Variants in CPNE4 observed in about 807,000 individuals in gnomAD.
The protein encoded by CPNE4 is copine-4.
Under a neutral mutation model 67.9 loss-of-function variants are expected in CPNE4, and 25 were observed. The ratio of observed to expected loss-of-function variants is 0.37; its 90% CI spans 0.27 to 0.51. The LOEUF is 0.51. CPNE4 is among the 20% of genes least tolerant of loss of function. The pLI is 0.93. For missense variants in CPNE4, 464 were observed against 690.8 expected, an observed-to-expected ratio of 0.67 and a Z score of 3.68; for synonymous variants, 242 against 244.9, an observed-to-expected ratio of 0.99 and a Z score of 0.11.
chr3:131,716,172 C>A (rs2081680169), intron 3 of CPNE4, among the ~76,000 whole-genome samples: 1 of 152,102 alleles, frequency 6.6e-6, no homozygotes, highest in Non-Finnish European at 1.5e-5. Context: ...GGCCAGGAGT[C>A]CTGCTGTTTC....
At position 131,742,792 on chromosome 3, in the gene CPNE4, T is replaced by C. The variant is rs190483211; in HGVS notation, c.181-19167A>G. ...CCTTGTATTAAAGGAAAAATAAAAA[T>C]AGATATTTCAAACACCTTAGAAAGC... On this transcript the variant is annotated intron_variant, in intron 2 of 15. Coordinates refer to ENST00000429747, the MANE Select transcript of CPNE4 (RefSeq NM_130808.3). Among the ~76,000 whole-genome samples the C allele has an allele frequency of 1.9e-4, 29 of 152,160 alleles. No individual in the cohort carries two copies. The East Asian group carries it at 4.8e-3, about 25-fold the overall frequency.
intron 3 of CPNE4, among the ~76,000 whole-genome samples, chr3:131,715,403 A>G (rs1405740044): frequency 1.3e-5 from 2 of 152,256 alleles, no homozygotes; most frequent in African/African-American, 4.8e-5. Flanking sequence ...CTTTGCATTC[A>G]TAGATGCTAC....
At chr3:131,742,290 GGACAC>G (rs2082376422) in intron 2 of CPNE4, among the ~76,000 whole-genome samples, 1 of 152,068 alleles carries the variant, frequency 6.6e-6, no homozygotes, top group Non-Finnish European at 1.5e-5. Context: ...CTTCAATCTG[GGACAC>G]CGGTCTTCTC....
chr3:131,858,528 T>C (rs2086544803), intron 2 of CPNE4, among the ~76,000 whole-genome samples: 1 of 152,152 alleles, frequency 6.6e-6, no homozygotes, highest in Non-Finnish European at 1.5e-5. Context: ...TCATCCATAG[T>C]GGCCCTTTTA....
At chr3:131,900,166 C>T (rs1463842237) in intron 2 of CPNE4, among the ~76,000 whole-genome samples, 1 of 151,786 alleles carries the variant, frequency 6.6e-6, no homozygotes, top group African/African-American at 2.4e-5. Context: ...ATAATCTCAT[C>T]AAAAAATAGG....
At chr3:131,565,048 C>T (rs6774683) in intron 10 of CPNE4, among the ~76,000 whole-genome samples, 14,701 of 151,948 alleles carry the variant, frequency 0.097, 1,472 homozygotes, top group African/African-American at 0.26. Context: ...TTCTTCTGAC[C>T]CCCAGTATCA....
At chr3:131,656,144 C>T (rs2079957382) in intron 7 of CPNE4, among the ~76,000 whole-genome samples, 1 of 150,260 alleles carries the variant, frequency 6.7e-6, no homozygotes. Context: ...CCAGACTCTT[C>T]CCTTCCCTTC....
intron 2 of CPNE4, among the ~76,000 whole-genome samples, chr3:131,808,569 T>C (rs1457935481): frequency 2.6e-5 from 4 of 152,140 alleles, no homozygotes; most frequent in Admixed American, 2.0e-4. Context: ...GTCATCAAAA[T>C]GTAGCAACAA....
chr3:131,823,190 G>A (rs1002278875), intron 2 of CPNE4, among the ~76,000 whole-genome samples: 4 of 152,194 alleles, frequency 2.6e-5, no homozygotes, highest in Admixed American at 2.6e-4. Flanking sequence ...AAAGAGGAAG[G>A]AAACTAATAT....
At chr3:131,564,151 C>G in intron 11 of CPNE4, 65 bp downstream of exon 11, 1 of 1,594,586 alleles carries the variant, frequency 6.3e-7, no homozygotes, top group Admixed American at 1.7e-5. Flanking sequence ...TGCCCAGGAT[C>G]AGCCAAAGAC....
intron 1 of CPNE4, among the ~76,000 whole-genome samples, chr3:131,957,963 C>T (rs74433627): frequency 0.012 from 1,776 of 152,238 alleles, 15 homozygotes; most frequent in Non-Finnish European, 0.019. Flanking sequence ...AAGCTAGAGA[C>T]AGTAATTGTG....
At chr3:131,750,022 C>T (rs1017233574) in intron 2 of CPNE4, among the ~76,000 whole-genome samples, 11 of 152,146 alleles carry the variant, frequency 7.2e-5, no homozygotes, top group Non-Finnish European at 1.6e-4. Context: ...AGCAACTATA[C>T]TAGCTTAGGT....
chr3:131,817,965 C>T (rs1430981452), intron 2 of CPNE4, among the ~76,000 whole-genome samples: 2 of 152,174 alleles, frequency 1.3e-5, no homozygotes, highest in African/African-American at 2.4e-5. Context: ...CAAGGGGCTG[C>T]ATTTCAGTAT....
At chr3:131,644,193 G>C (rs962169885) in intron 7 of CPNE4, among the ~76,000 whole-genome samples, 1 of 151,930 alleles carries the variant, frequency 6.6e-6, no homozygotes, top group Non-Finnish European at 1.5e-5. Context: ...TGTCACCCAG[G>C]CTGGAGTGCA....
At chr3:131,700,039 A>G in intron 3 of CPNE4, 59 bp from the exon 4 acceptor site, 2 of 761,786 alleles carry the variant, frequency 2.6e-6, no homozygotes, top group Non-Finnish European at 4.0e-6. Context: ...TTAACTGTAG[A>G]TCTATTTTTT....
chr3:131,840,568 G>A (rs1321517856), intron 2 of CPNE4, among the ~76,000 whole-genome samples: 1 of 152,208 alleles, frequency 6.6e-6, no homozygotes, highest in African/African-American at 2.4e-5. Flanking sequence ...CTTCAGATGA[G>A]ATGATGTGGC....
chr3:131,569,064 A>C (rs971030102), intron 10 of CPNE4, among the ~76,000 whole-genome samples: 6 of 152,014 alleles, frequency 3.9e-5, no homozygotes, highest in African/African-American at 1.4e-4. Flanking sequence ...TATTTTCAGA[A>C]AACTTTCTAA....
chr3:131,641,597 C>T (rs951283015), intron 7 of CPNE4, among the ~76,000 whole-genome samples: 7 of 152,136 alleles, frequency 4.6e-5, no homozygotes, highest in South Asian at 2.1e-4. Context: ...CTCTGGAAAA[C>T]GGTGTGGAGA....
At chr3:131,941,948 A>C (rs1359539672) in intron 1 of CPNE4, among the ~76,000 whole-genome samples, 3 of 152,118 alleles carry the variant, frequency 2.0e-5, no homozygotes, top group African/African-American at 7.2e-5. Context: ...AATGTTTATT[A>C]TGTAAGTGTT....
Sources: gnomAD v4.1 joint callset for allele counts (sites outside exome capture counted in the v4.1 genomes callset) on GRCh38, gnomAD v4.1.1 for gene constraint, MANE v1.5 for transcripts, NCBI Gene and HGNC (gene_info 2026-07-23, HGNC 2026-07-21) for gene names.